The following SGCZ variants were observed in gnomAD, a reference collection of about 807,000 sequenced individuals.
SGCZ encodes the protein sarcoglycan zeta.
A neutral mutation model predicts 41.3 loss-of-function variants in SGCZ; 40 were observed. The observed-to-expected ratio is 0.97, with a 90% confidence interval of 0.75 to 1.26. The LOEUF (loss-of-function observed/expected upper bound fraction) is 1.26, where lower values mean the gene tolerates loss of function less well. Ranked by LOEUF, SGCZ falls within the 50% of genes most tolerant of loss-of-function variation. The probability of loss-of-function intolerance (pLI) is 0.00; values close to 1 mark genes in which losing one functional copy is unlikely to be tolerated. For missense variants in SGCZ, 552 were observed against 369.8 expected, an observed-to-expected ratio of 1.49 and a Z score of -4.04; for synonymous variants, 206 against 137.5, an observed-to-expected ratio of 1.50 and a Z score of -3.49.
At position 14,190,279 on chromosome 8, in the gene SGCZ, C is replaced by T. The variant is rs1399723827; in HGVS notation, c.425-25577G>A. On this transcript the variant is annotated intron_variant, in intron 4 of 7. Transcript: ENST00000382080. ...CGCCCACCTCGGCCTCCCAAAGTGC[C>T]AGGATTACAGGCGTGAGCCACAGCA... Among the ~76,000 whole-genome samples, 4 of 151,654 alleles carry T rather than the reference C, an allele frequency of 2.6e-5. No homozygotes were observed. In the East Asian group the frequency reaches 7.8e-4, roughly 30 times the overall value.
At chr8:14,536,226 C>T (rs1163650637) in intron 2 of SGCZ, among the ~76,000 whole-genome samples, 2 of 151,602 alleles carry the variant, frequency 1.3e-5, no homozygotes, top group African/African-American at 4.8e-5. Flanking sequence ...GATGCTGTGT[C>T]AAATATGGCA....
intron 4 of SGCZ, among the ~76,000 whole-genome samples, chr8:14,189,524 G>T (rs1485179953): frequency 1.3e-5 from 2 of 152,078 alleles, no homozygotes; most frequent in African/African-American, 4.8e-5. Context: ...TACACTTTCT[G>T]ATCCTTCACC....
chr8:15,052,318 A>C (rs978900973), intron 1 of SGCZ, among the ~76,000 whole-genome samples: 3 of 152,226 alleles, frequency 2.0e-5, no homozygotes, highest in Non-Finnish European at 4.4e-5. Context: ...TGAAATGAAG[A>C]AGATGAAAAG....
At chr8:15,016,421 A>T (rs1446655092) in intron 1 of SGCZ, among the ~76,000 whole-genome samples, 2 of 152,158 alleles carry the variant, frequency 1.3e-5, no homozygotes, top group Non-Finnish European at 2.9e-5. Context: ...AGGGCTTAGA[A>T]ATGGCTCTCT....
At chr8:14,639,485 C>T (rs1275444692) in intron 1 of SGCZ, among the ~76,000 whole-genome samples, 4 of 151,576 alleles carry the variant, frequency 2.6e-5, no homozygotes, top group African/African-American at 7.3e-5. Flanking sequence ...TCACTCTTAC[C>T]GCATTTTCTT....
At chr8:14,154,739 CCTCT>C (rs1188972939) in intron 5 of SGCZ, among the ~76,000 whole-genome samples, 1 of 152,134 alleles carries the variant, frequency 6.6e-6, no homozygotes, top group East Asian at 1.9e-4. Flanking sequence ...ACAGCTTCCT[CCTCT>C]CTCCCTCTTT....
chr8:14,964,973 A>T (rs1801085499), intron 1 of SGCZ, among the ~76,000 whole-genome samples: 1 of 152,084 alleles, frequency 6.6e-6, no homozygotes, highest in Non-Finnish European at 1.5e-5. Context: ...AGGCAGACAG[A>T]CCATTTACCT....
At chr8:14,173,702 G>T (rs1261654751) in intron 4 of SGCZ, among the ~76,000 whole-genome samples, 1 of 152,046 alleles carries the variant, frequency 6.6e-6, no homozygotes, top group East Asian at 1.9e-4. Context: ...CTCAACTGAT[G>T]AAATGGAGCA....
intron 2 of SGCZ, among the ~76,000 whole-genome samples, chr8:14,384,918 G>C (rs1254140424): frequency 6.6e-6 from 1 of 152,192 alleles, no homozygotes; most frequent in Non-Finnish European, 1.5e-5. Context: ...AATTAAAGCA[G>C]TCCTAACTGA....
At chr8:15,202,143 T>C (rs1800910110) in intron 1 of SGCZ, among the ~76,000 whole-genome samples, 1 of 152,176 alleles carries the variant, frequency 6.6e-6, no homozygotes, top group Admixed American at 6.5e-5. Context: ...AGATCCTTGG[T>C]CAAAATATCA....
intron 6 of SGCZ, among the ~76,000 whole-genome samples, chr8:14,104,095 C>A (rs966564441): frequency 1.7e-4 from 26 of 152,064 alleles, no homozygotes; most frequent in African/African-American, 6.3e-4. Flanking sequence ...TTCAATTAAA[C>A]TATTCATGTT....
chr8:14,861,650 T>A (rs191842222), intron 1 of SGCZ, among the ~76,000 whole-genome samples: 1 of 152,198 alleles, frequency 6.6e-6, no homozygotes, highest in East Asian at 1.9e-4. Flanking sequence ...GATAGAAACA[T>A]GATTTCCATT....
intron 1 of SGCZ, among the ~76,000 whole-genome samples, chr8:15,106,134 G>C (rs1277794188): frequency 6.6e-6 from 1 of 151,666 alleles, no homozygotes; most frequent in Non-Finnish European, 1.5e-5. Context: ...AATATTCTTT[G>C]GTTAATTTCA....
At chr8:14,592,461 T>C (rs1470174676) in intron 1 of SGCZ, among the ~76,000 whole-genome samples, 2 of 152,166 alleles carry the variant, frequency 1.3e-5, no homozygotes, top group Admixed American at 6.5e-5. Flanking sequence ...CATTCTAATG[T>C]AATTCTTTCT....
chr8:14,786,675 A>G (rs1051023929), intron 1 of SGCZ, among the ~76,000 whole-genome samples: 4 of 152,084 alleles, frequency 2.6e-5, no homozygotes, highest in Admixed American at 6.6e-5. Flanking sequence ...AACAAACAGA[A>G]AGTCTATGGA....
chr8:14,306,423 G>A (rs1040275018), intron 3 of SGCZ, among the ~76,000 whole-genome samples: 2 of 152,082 alleles, frequency 1.3e-5, no homozygotes, highest in Non-Finnish European at 2.9e-5. Flanking sequence ...AAAATGTAAA[G>A]CACTGGGAAA....
intron 2 of SGCZ, among the ~76,000 whole-genome samples, chr8:14,429,122 C>G (rs941011342): frequency 3.9e-5 from 6 of 152,194 alleles, no homozygotes; most frequent in Non-Finnish European, 4.4e-5. Flanking sequence ...AGTCAGATCT[C>G]TGTCCCTTTG....
intron 4 of SGCZ, among the ~76,000 whole-genome samples, chr8:14,221,804 G>C (rs1238847847): frequency 6.6e-6 from 1 of 151,930 alleles, no homozygotes; most frequent in African/African-American, 2.4e-5. Context: ...GGGTGTGATG[G>C]CGTGTGCCTG....
intron 1 of SGCZ, among the ~76,000 whole-genome samples, chr8:14,826,284 T>G (rs935639523): frequency 1.3e-5 from 2 of 152,158 alleles, no homozygotes; most frequent in African/African-American, 4.8e-5. Flanking sequence ...TATGGCTACA[T>G]AGTATTCCAT....
Sources: allele counts gnomAD v4.1 joint callset (sites outside exome capture counted in the v4.1 genomes callset), GRCh38; gene constraint gnomAD v4.1.1; transcripts MANE v1.5; gene names NCBI Gene and HGNC (gene_info 2026-07-23, HGNC 2026-07-21).